The following HTRA1 variants were observed in gnomAD, a reference collection of about 807,000 sequenced individuals.
The protein encoded by HTRA1 is serine protease HTRA1.
Under a neutral mutation model 49.7 loss-of-function variants are expected in HTRA1, and 26 were observed. The ratio of observed to expected loss-of-function variants is 0.52; its 90% CI spans 0.38 to 0.73. HTRA1 has a LOEUF of 0.73. HTRA1 is among the 30% of genes least tolerant of loss of function. HTRA1 has a pLI of 0.00. For missense variants in HTRA1, 561 were observed against 667.2 expected (o/e 0.84, Z 1.75); for synonymous variants, 291 against 286.9 (o/e 1.01, Z -0.14).
chr10:122,508,442 G>A (rs1211894510), intron 5 of HTRA1, among the ~76,000 whole-genome samples: 1 of 152,272 alleles, frequency 6.6e-6, no homozygotes, highest in Admixed American at 6.5e-5. Context: ...GTGCCGACCT[G>A]GAGTATGTGC....
At chr10:122,481,545 T>G (rs2097490986) in intron 1 of HTRA1, among the ~76,000 whole-genome samples, 1 of 152,222 alleles carries the variant, frequency 6.6e-6, no homozygotes, top group Non-Finnish European at 1.5e-5. Flanking sequence ...TGTGGATGTT[T>G]GCTGTCTATC....
chr10:122,508,577 T>C, intron 5 of HTRA1, 79 bp from the exon 6 acceptor site: 1 of 926,510 alleles, frequency 1.1e-6, no homozygotes, highest in Admixed American at 1.7e-5. Flanking sequence ...AGGGACTTCT[T>C]TCAGGCATAT....
intron 3 of HTRA1, among the ~76,000 whole-genome samples, chr10:122,503,970 C>T (rs1565432044): frequency 6.6e-6 from 1 of 152,192 alleles, no homozygotes; most frequent in Admixed American, 6.5e-5. Context: ...GGACTGGTTC[C>T]TGGGCAGACT....
At chr10:122,508,407 G>C (rs1428483506) in intron 5 of HTRA1, among the ~76,000 whole-genome samples, 1 of 152,246 alleles carries the variant, frequency 6.6e-6, no homozygotes, top group Admixed American at 6.5e-5. Flanking sequence ...GAAACTATCT[G>C]TGCTTACCGT....
In HTRA1 at chr10:122,461,733, C is replaced by T. The variant is rs995655333; in HGVS notation, c.81C>T (p.Ala27=). The T allele has an allele frequency of 4.3e-6, 5 of 1,170,746 alleles. No individual in the cohort carries two copies. In the African/African-American group the frequency reaches 5.0e-5, roughly 12 times the overall value. The allele number at this position is 1,170,746 out of a possible 1,614,324, so 72.5% of individuals were successfully genotyped here. ...AAPASAQLSR[A]GRSAPLAAGC... Reference sequence around the variant, plus strand: ...CCGCCTCGGCGCAGCTGTCCCGGGCCGGCCGCTCGGCGCCTTTGGCCGCCG... The same window carrying T: ...CCGCCTCGGCGCAGCTGTCCCGGGCTGGCCGCTCGGCGCCTTTGGCCGCCG... Residue 27 remains alanine, a synonymous_variant, in exon 1 of 9, where the codon GCC becomes GCT. Coordinates refer to ENST00000368984, the MANE Select transcript of HTRA1 (RefSeq NM_002775.5).
chr10:122,511,982 G>T lies in HTRA1; in HGVS notation c.1191G>T (p.Glu397Asp). Residue 397 changes from glutamate to aspartate, a missense_variant, in exon 8 of 9, where the codon GAG becomes GAT. Glu to Asp is a conservative substitution (Grantham distance 45). Transcript: ENST00000368984. Reference sequence around the variant, plus strand: ...TTCTCTGGAGCAGCAAAGCCAAAGAGCTGAAGGACCGGCACCGGGACTTCC... The same window carrying T: ...TTCTCTGGAGCAGCAAAGCCAAAGATCTGAAGGACCGGCACCGGGACTTCC... ...MMSLTSSKAK[E>D]LKDRHRDFPD... 3 of 1,613,904 alleles carry T rather than the reference G, an allele frequency of 1.9e-6. No individual in the cohort carries two copies. The highest frequency in any genetic ancestry group is 2.5e-6 in the Non-Finnish European group (3 of 1,179,884).
chr10:122,498,667 A>C (rs554210376), intron 3 of HTRA1, among the ~76,000 whole-genome samples: 1 of 152,222 alleles, frequency 6.6e-6, no homozygotes, highest in Non-Finnish European at 1.5e-5. Context: ...CCAAGCCAGC[A>C]TCTGGAGAAT....
chr10:122,474,220 C>T (rs1351282127), intron 1 of HTRA1, among the ~76,000 whole-genome samples: 2 of 152,202 alleles, frequency 1.3e-5, no homozygotes, highest in African/African-American at 4.8e-5. Flanking sequence ...ACCGTCTAGC[C>T]TACCCCCTCA....
chr10:122,462,456 G>T (rs1251928417), intron 1 of HTRA1, among the ~76,000 whole-genome samples: 3 of 152,268 alleles, frequency 2.0e-5, no homozygotes, highest in Admixed American at 1.3e-4. Flanking sequence ...AGAGGAATGG[G>T]GGCATAAAGG....
chr10:122,509,913 A>G (rs1048898921), intron 6 of HTRA1, among the ~76,000 whole-genome samples, 183 bp from the exon 7 acceptor site: 1 of 152,158 alleles, frequency 6.6e-6, no homozygotes, highest in African/African-American at 2.4e-5. Context: ...ATTAATTGAA[A>G]CAATGGGACT....
chr10:122,485,890 C>A (rs941478383), intron 1 of HTRA1, among the ~76,000 whole-genome samples: 2 of 152,206 alleles, frequency 1.3e-5, no homozygotes, highest in South Asian at 4.1e-4. Context: ...TGGAGTTAAA[C>A]CTCTTCTTGG....
intron 7 of HTRA1, among the ~76,000 whole-genome samples, chr10:122,510,354 C>G (rs570396768): frequency 6.6e-6 from 1 of 152,324 alleles, no homozygotes; most frequent in African/African-American, 2.4e-5. Flanking sequence ...TTTTTGCATT[C>G]TGAGCTGGTT....
chr10:122,503,899 G>A (rs1345727091), intron 3 of HTRA1, among the ~76,000 whole-genome samples: 1 of 152,186 alleles, frequency 6.6e-6, no homozygotes, highest in Non-Finnish European at 1.5e-5. Flanking sequence ...GTGCCCATTG[G>A]TGCAGCCTTT....
At chr10:122,510,283 G>A (rs1360975900) in intron 7 of HTRA1, 130 bp downstream of exon 7, 1 of 775,142 alleles carries the variant, frequency 1.3e-6, no homozygotes, top group Non-Finnish European at 2.3e-6. Context: ...TTATAATGAA[G>A]TAGCATCGGG....
At position 122,506,936 on chromosome 10, in the gene HTRA1, G is replaced by A. The variant is rs761782668; in HGVS notation, c.972+51G>A. The stretch of plus-strand genomic sequence containing the variant: ...GGGATTGGGGCAGAGTTTTGCCAGG[G>A]GGAGAGGAGTCAGCATAGGTCTTAG... On this transcript the variant is annotated intron_variant, in intron 4 of 8. Transcript: ENST00000368984. The surrounding 1 kb of genome is among the most constrained non-coding windows in gnomAD (Gnocchi z 5.2). 6.6e-7 allele frequency: 1 copy of A among 1,523,248 alleles called. No individual in the cohort carries two copies. Among genetic ancestry groups the A allele is most frequent in the South Asian group, 1.1e-5 (1 of 88,850 alleles). The allele number at this position is 1,523,248 out of a possible 1,614,324, so 94.4% of individuals were successfully genotyped here.
intron 3 of HTRA1, among the ~76,000 whole-genome samples, chr10:122,498,374 G>A (rs994657872): frequency 5.3e-5 from 8 of 151,964 alleles, no homozygotes; most frequent in Non-Finnish European, 1.0e-4. Flanking sequence ...TGTATATGTC[G>A]GTGATCTCAG....
In HTRA1 at chr10:122,489,390, C is replaced by G. The variant is rs575330358; in HGVS notation, c.573-32C>G. ...TTGAAGCGTTCATTTTAAGGTGCTA[C>G]AGGCTTAAGTGTGTACTCCTTTGGA... On this transcript the variant is annotated intron_variant, in intron 2 of 8. Transcript: ENST00000368984. 3 of 1,595,706 alleles carry G rather than the reference C, an allele frequency of 1.9e-6. No individual in the cohort carries two copies. The East Asian group carries it at 6.7e-5, about 36-fold the overall frequency.
intron 1 of HTRA1, among the ~76,000 whole-genome samples, chr10:122,481,954 C>T (rs2097491205): frequency 6.6e-6 from 1 of 152,068 alleles, no homozygotes; most frequent in African/African-American, 2.4e-5. Flanking sequence ...CCAATAAAAC[C>T]TCCTTCTTTT....
chr10:122,486,649 T>C lies in HTRA1; in HGVS notation c.473-2253T>C, dbSNP rs898769783. Among the ~76,000 whole-genome samples, 8 of 152,284 alleles carry C rather than the reference T, an allele frequency of 5.3e-5. No homozygotes were observed. In the East Asian group the frequency reaches 1.2e-3, roughly 22 times the overall value. On this transcript the variant is annotated intron_variant, in intron 1 of 8. Transcript: ENST00000368984. ...GTGGGAACCAGTGGGTGTGAAGCTGTGACGGGTCACAAGAGGGCTGGGACG... is the reference window on the plus strand; with the variant it reads ...GTGGGAACCAGTGGGTGTGAAGCTGCGACGGGTCACAAGAGGGCTGGGACG...
Sources: gnomAD v4.1 joint callset for allele counts (sites outside exome capture counted in the v4.1 genomes callset) on GRCh38, gnomAD v4.1.1 for gene constraint, Gnocchi (gnomAD v3.1) non-coding constraint, MANE v1.5 for transcripts, NCBI Gene and HGNC (gene_info 2026-07-23, HGNC 2026-07-21) for gene names.